TAS2R1: variants seen among roughly 807,000 people sequenced by gnomAD.
TAS2R1 encodes taste receptor type 2 member 1.
For synonymous variants in TAS2R1, 141 were observed against 134.2 expected, an observed-to-expected ratio of 1.05 and a Z score of -0.35; for missense variants, 370 against 353.4, an observed-to-expected ratio of 1.05 and a Z score of -0.38.
At chr5:9,752,158 A>C in the TAS2R1 span, among the ~76,000 whole-genome samples, 1 of 152,336 alleles carries the variant, frequency 6.6e-6, no homozygotes, top group East Asian at 1.9e-4. Context: ...GTTAAGTTAG[A>C]TACACTACCC....
the TAS2R1 span, among the ~76,000 whole-genome samples, chr5:9,718,145 AT>A: frequency 8.1e-6 from 1 of 124,000 alleles, no homozygotes; most frequent in Non-Finnish European, 1.8e-5. Context: ...TTTTTTTTGT[AT>A]TTTTAGTAGA....
the TAS2R1 span, among the ~76,000 whole-genome samples, chr5:9,869,074 C>G: frequency 3.3e-5 from 5 of 152,228 alleles, no homozygotes; most frequent in African/African-American, 1.2e-4. Context: ...CTAGGAAGTT[C>G]CAAACTTTCC....
intron 1 of TAS2R1, among the ~76,000 whole-genome samples, chr5:9,707,284 C>T (rs1741636690): frequency 6.6e-6 from 1 of 152,114 alleles, no homozygotes; most frequent in Admixed American, 6.5e-5. Flanking sequence ...ACTCCCAACT[C>T]CCCAGCACAC....
chr5:9,786,075 T>A, the TAS2R1 span, among the ~76,000 whole-genome samples: 1 of 152,214 alleles, frequency 6.6e-6, no homozygotes, highest in Non-Finnish European at 1.5e-5. Flanking sequence ...TTGACTTCAG[T>A]CACATATGTT....
chr5:9,776,684 G>C, the TAS2R1 span, among the ~76,000 whole-genome samples: 5 of 152,146 alleles, frequency 3.3e-5, no homozygotes, highest in Admixed American at 2.0e-4. Flanking sequence ...TCAGCTTAAT[G>C]ACGTGGCTTC....
the TAS2R1 span, among the ~76,000 whole-genome samples, chr5:9,880,512 C>A: frequency 1.3e-5 from 2 of 152,332 alleles, no homozygotes; most frequent in Admixed American, 6.5e-5. Flanking sequence ...ACACTATTGA[C>A]ACTGTTGTGA....
At chr5:9,803,216 G>A in the TAS2R1 span, among the ~76,000 whole-genome samples, 3 of 152,130 alleles carry the variant, frequency 2.0e-5, no homozygotes, top group South Asian at 6.2e-4. Flanking sequence ...TTAAAAAATG[G>A]AAAAAGCTTC....
At chr5:9,762,421 G>A in the TAS2R1 span, among the ~76,000 whole-genome samples, 30 of 152,132 alleles carry the variant, frequency 2.0e-4, no homozygotes, top group Non-Finnish European at 3.4e-4. Context: ...AGTTCAAAGG[G>A]GGTAAAAAGG....
At chr5:9,883,749 G>A in the TAS2R1 span, among the ~76,000 whole-genome samples, 21 of 152,062 alleles carry the variant, frequency 1.4e-4, no homozygotes, top group Admixed American at 3.9e-4. Flanking sequence ...ATGCATCTAC[G>A]ATCAGCTGTG....
Position 9,629,601 on chromosome 5 carries a change from A to T in TAS2R1, c.432T>A (p.His144Gln). The T allele has an allele frequency of 6.2e-7, 1 of 1,614,160 alleles. No individual in the cohort carries two copies. The highest frequency in any genetic ancestry group is 8.5e-7 in the Non-Finnish European group (1 of 1,180,024). ...LLYVSMICVF[H>Q]SKYAGFMVPY... ...GGACCATAAACCCTGCATATTTGCT[A>T]TGGAAAACACAAATCATAGATACAT... Residue 144 changes from histidine to glutamine, a missense_variant, in exon 1 of 1, where the codon CAT becomes CAA. By Grantham distance (24) the His-to-Gln change is conservative. Coordinates refer to ENST00000382492, the MANE Select transcript of TAS2R1 (RefSeq NM_019599.3).
the TAS2R1 span, among the ~76,000 whole-genome samples, chr5:9,745,754 T>C: frequency 9.2e-5 from 14 of 152,264 alleles, no homozygotes; most frequent in Admixed American, 6.5e-4. Context: ...TTATACCTTA[T>C]ACAAAAATTA....
rs56140715 is a variant in TAS2R1 at position 9,640,497 on chromosome 5, T to TAAAAAAAA, written c.-80-10513_-80-10506dup. Among the ~76,000 whole-genome samples the TAAAAAAAA allele has an allele frequency of 1.1e-3, 63 of 59,022 alleles. 2 individuals carry two copies. The highest frequency in any genetic ancestry group is 2.6e-3 in the African/African-American group (32 of 12,098). 38.7% of individuals were successfully genotyped at this position (59,022 alleles called of 152,430 possible). A position where few individuals can be genotyped will look rare whatever the true frequency, so the allele number is the denominator to read the frequency against. Reference sequence around the variant, plus strand: ...GAATTGCCACAAACCTTCAATTCCTTAAAAAAAAAAAAAAAAAAAAAAAAA... The same window carrying TAAAAAAAA: ...GAATTGCCACAAACCTTCAATTCCTTAAAAAAAAAAAAAAAAAAAAAAAAAAAAAAAAA... On this transcript the variant is annotated intron_variant, in intron 2 of 2. Coordinates refer to the TAS2R1 transcript ENST00000506620.
intron 1 of TAS2R1, among the ~76,000 whole-genome samples, chr5:9,688,531 C>G (rs1296816652): frequency 6.6e-6 from 1 of 152,152 alleles, no homozygotes; most frequent in African/African-American, 2.4e-5. Flanking sequence ...ATTATCGAGG[C>G]TGAATAGAAG....
chr5:9,638,773 C>T (rs1740017175), intron 2 of TAS2R1, among the ~76,000 whole-genome samples: 1 of 152,176 alleles, frequency 6.6e-6, no homozygotes, highest in Admixed American at 6.5e-5. Flanking sequence ...TGGGCTCAGA[C>T]TCTCCTTGAG....
chr5:9,843,197 A>T, the TAS2R1 span, among the ~76,000 whole-genome samples: 9,095 of 152,156 alleles, frequency 0.06, 646 homozygotes, highest in East Asian at 0.23. Context: ...CCTCTGGATT[A>T]TTTGTGATTG....
At chr5:9,747,052 T>C in the TAS2R1 span, among the ~76,000 whole-genome samples, 3 of 152,128 alleles carry the variant, frequency 2.0e-5, no homozygotes, top group Non-Finnish European at 4.4e-5. Context: ...CAAAGGAGAC[T>C]AAGTTCATGA....
intron 1 of TAS2R1, among the ~76,000 whole-genome samples, chr5:9,674,678 C>T (rs966017428): frequency 6.6e-6 from 1 of 152,070 alleles, no homozygotes; most frequent in Non-Finnish European, 1.5e-5. Context: ...TAGAATTCTA[C>T]AGTCCTGAAG....
At chr5:9,679,007 A>C (rs564002140) in intron 1 of TAS2R1, among the ~76,000 whole-genome samples, 1 of 152,210 alleles carries the variant, frequency 6.6e-6, no homozygotes, top group Non-Finnish European at 1.5e-5. Context: ...TGCACCCAGA[A>C]AATCAAATCT....
At chr5:9,838,571 AGCTGAGGTTATC>A in the TAS2R1 span, among the ~76,000 whole-genome samples, 1 of 152,194 alleles carries the variant, frequency 6.6e-6, no homozygotes, top group African/African-American at 2.4e-5. Context: ...GTTCTTCAGC[AGCTGAGGTTATC>A]ACTGACATTT....
Sources: allele counts gnomAD v4.1 joint callset (sites outside exome capture counted in the v4.1 genomes callset), GRCh38; gene constraint gnomAD v4.1.1; transcripts MANE v1.5; gene names NCBI Gene and HGNC (gene_info 2026-07-23, HGNC 2026-07-21).